The following SNX29 variants were observed in gnomAD, a reference collection of about 807,000 sequenced individuals.
The protein encoded by SNX29 is sorting nexin 29.
A neutral mutation model predicts 102.1 loss-of-function variants in SNX29; 78 were observed. The observed-to-expected ratio is 0.76, with a 90% CI of 0.64 to 0.92. The LOEUF is 0.92. Ranked by LOEUF, SNX29 falls within the 40% of genes least tolerant of loss-of-function variation. The pLI is 0.00. For missense variants in SNX29, 1,280 were observed against 1,061.7 expected (o/e 1.21, Z -2.86); for synonymous variants, 580 against 414.5 (o/e 1.40, Z -4.85).
chr16:12,471,769 A>G (rs1052279925), intron 18 of SNX29, among the ~76,000 whole-genome samples: 5 of 152,266 alleles, frequency 3.3e-5, no homozygotes, highest in Non-Finnish European at 7.3e-5. Flanking sequence ...TTATGGTTCA[A>G]TTAATTTTAC....
chr16:12,559,801 C>T (rs187958524), intron 20 of SNX29, among the ~76,000 whole-genome samples: 1 of 152,286 alleles, frequency 6.6e-6, no homozygotes. Flanking sequence ...TCCTTACTAT[C>T]TTCCAGGCCA....
intron 11 of SNX29, among the ~76,000 whole-genome samples, chr16:12,116,397 C>T (rs980992246): frequency 1.3e-5 from 2 of 152,206 alleles, no homozygotes; most frequent in East Asian, 1.9e-4. Flanking sequence ...AGGGGCCGGG[C>T]GCAGTGGCTC....
At chr16:11,993,182 T>TA in intron 1 of SNX29, among the ~76,000 whole-genome samples, 1 of 151,350 alleles carries the variant, frequency 6.6e-6, no homozygotes, top group Middle Eastern at 3.4e-3. Flanking sequence ...AATAAATAAA[T>TA]AAATAAATAA....
At position 12,226,318 on chromosome 16, in the gene SNX29, G is replaced by T. The variant is rs535778552; in HGVS notation, c.1678+26635G>T. Among the ~76,000 whole-genome samples the T allele has an allele frequency of 1.6e-4, 25 of 152,296 alleles. No individual in the cohort carries two copies. The South Asian group carries it at 5.2e-3, about 32-fold the overall frequency. ...CATGAATCACCTCCCTGCAACAGGA[G>T]AATGTTCTTATGATTTTTTAATGAC... On this transcript the variant is annotated intron_variant, in intron 14 of 20. Coordinates refer to ENST00000566228, the MANE Select transcript of SNX29 (RefSeq NM_032167.5).
At chr16:12,347,418 G>T (rs2151280944) in intron 15 of SNX29, among the ~76,000 whole-genome samples, 1 of 152,206 alleles carries the variant, frequency 6.6e-6, no homozygotes, top group East Asian at 1.9e-4. Flanking sequence ...TTGGAAGGAA[G>T]AAAGAAACAG....
intron 14 of SNX29, among the ~76,000 whole-genome samples, chr16:12,261,564 T>G (rs575563468): frequency 7.9e-6 from 1 of 126,796 alleles, no homozygotes; most frequent in South Asian, 2.7e-4. Context: ...TGCTCTGAGC[T>G]TCGGTCTGTG....
Position 12,133,281 on chromosome 16 carries a change from GTTTTTTTTTTTTTTTT to G in SNX29, c.1595+3535_1595+3550del, listed in dbSNP as rs57733463. ...CTCTGTTTCTGTTTCCTTAGTGTGGGTTTTTTTTTTTTTTTTTTTTTTTTTTTAAGATAGTATCTCA... is the reference window on the plus strand; with the variant it reads ...CTCTGTTTCTGTTTCCTTAGTGTGGGTTTTTTTTTTTAAGATAGTATCTCA... On this transcript the variant is annotated intron_variant, in intron 13 of 20. Transcript: ENST00000566228. Among the ~76,000 whole-genome samples, 54 of 66,872 alleles carry G rather than the reference GTTTTTTTTTTTTTTTT, an allele frequency of 8.1e-4. 1 individual carries two copies. The highest frequency in any genetic ancestry group is 5.6e-4 in the Non-Finnish European group (21 of 37,494). 43.9% of individuals were successfully genotyped at this position (66,872 alleles called of 152,430 possible).
intron 7 of SNX29, among the ~76,000 whole-genome samples, 195 bp from the exon 8 acceptor site, chr16:12,051,652 G>C (rs1053800346): frequency 6.6e-6 from 1 of 152,200 alleles, no homozygotes; most frequent in Non-Finnish European, 1.5e-5. Flanking sequence ...TAAATCAGAG[G>C]CAGAGGCCTG....
At chr16:12,534,198 C>G (rs542985763) in intron 20 of SNX29, among the ~76,000 whole-genome samples, 1 of 152,334 alleles carries the variant, frequency 6.6e-6, no homozygotes, top group East Asian at 1.9e-4. Context: ...AGAGTGTGGG[C>G]TCCATGAGAA....
At chr16:12,197,267 T>C (rs555479602) in intron 13 of SNX29, among the ~76,000 whole-genome samples, 1 of 152,178 alleles carries the variant, frequency 6.6e-6, no homozygotes, top group Non-Finnish European at 1.5e-5. Flanking sequence ...GCTAAAGGAA[T>C]CCTAGAAAAC....
chr16:12,127,094 A>G (rs1006844403), intron 12 of SNX29, among the ~76,000 whole-genome samples: 3 of 151,960 alleles, frequency 2.0e-5, no homozygotes, highest in African/African-American at 7.2e-5. Context: ...CCCCGTCTCT[A>G]CTAAAAATAC....
intron 15 of SNX29, among the ~76,000 whole-genome samples, chr16:12,352,759 CT>C (rs1440473350): frequency 6.6e-6 from 1 of 152,154 alleles, no homozygotes; most frequent in Non-Finnish European, 1.5e-5. Flanking sequence ...CCTTGCTGGG[CT>C]GGGTTTGTGG....
intron 7 of SNX29, among the ~76,000 whole-genome samples, chr16:12,049,779 A>G (rs2050231988): frequency 6.6e-6 from 1 of 151,824 alleles, no homozygotes; most frequent in Admixed American, 6.6e-5. Flanking sequence ...ATTTTGTTGT[A>G]GTATGTATGT....
rs550881889 is a variant in SNX29 at position 12,233,595 on chromosome 16, G to A, written c.1678+33912G>A. Among the ~76,000 whole-genome samples the A allele has an allele frequency of 1.2e-4, 18 of 152,164 alleles. No individual in the cohort carries two copies. The East Asian group carries it at 3.5e-3, about 29-fold the overall frequency. On this transcript the variant is annotated intron_variant, in intron 14 of 20. Coordinates refer to ENST00000566228, the MANE Select transcript of SNX29 (RefSeq NM_032167.5). ...TACCCCCGAATCTGAAATGAAAGGT[G>A]AAAAAAACCACACAAACAACTTTAT...
At chr16:12,008,860 G>A (rs767682154) in intron 3 of SNX29, among the ~76,000 whole-genome samples, 2 of 151,466 alleles carry the variant, frequency 1.3e-5, no homozygotes, top group East Asian at 3.9e-4. Context: ...TCTTGACTCA[G>A]CCTCCCTAGT....
chr16:12,215,853 C>T (rs1156796884), intron 14 of SNX29, among the ~76,000 whole-genome samples: 1 of 152,218 alleles, frequency 6.6e-6, no homozygotes, highest in Non-Finnish European at 1.5e-5. Flanking sequence ...TTAATTACTG[C>T]TGCCCTCATT....
chr16:12,149,214 G>A lies in SNX29; in HGVS notation c.1595+19456G>A, dbSNP rs560971843. On this transcript the variant is annotated intron_variant, in intron 13 of 20. Transcript: ENST00000566228. ...TGCTGGAGCCCCAGCCCTGACACCT[G>A]TGTTCTTGGCAGCAGGAAGGGTAAA... Among the ~76,000 whole-genome samples, 12 of 152,336 alleles carry A rather than the reference G, an allele frequency of 7.9e-5. No homozygotes were observed. The South Asian group carries it at 2.5e-3, about 32-fold the overall frequency.
intron 18 of SNX29, among the ~76,000 whole-genome samples, chr16:12,445,542 T>TG (rs1212042289): frequency 3.9e-5 from 6 of 152,232 alleles, no homozygotes; most frequent in Non-Finnish European, 7.3e-5. Context: ...AAGTGATAGA[T>TG]GACTGGCTGG....
At chr16:12,043,964 G>T (rs1248984373) in intron 5 of SNX29, among the ~76,000 whole-genome samples, 1 of 152,178 alleles carries the variant, frequency 6.6e-6, no homozygotes, top group East Asian at 1.9e-4. Flanking sequence ...ATGTTGGCCA[G>T]GCTGGTCTTG....
Sources: allele counts gnomAD v4.1 joint callset (sites outside exome capture counted in the v4.1 genomes callset), GRCh38; gene constraint gnomAD v4.1.1; transcripts MANE v1.5; gene names NCBI Gene and HGNC (gene_info 2026-07-23, HGNC 2026-07-21).